The following GPM6A variants were observed in gnomAD, a reference collection of about 807,000 sequenced individuals.
GPM6A encodes the protein neuronal membrane glycoprotein M6-a.
A neutral mutation model predicts 32.1 loss-of-function variants in GPM6A; 7 were observed. The ratio of observed to expected loss-of-function variants is 0.22; its 90% CI spans 0.12 to 0.41. The LOEUF is 0.41. Among genes scored for constraint, GPM6A ranks in the 10% least tolerant of loss-of-function variants. GPM6A has a pLI of 1.00. For missense variants in GPM6A, 235 were observed against 347.2 expected, an observed-to-expected ratio of 0.68 and a Z score of 2.57; for synonymous variants, 130 against 123.4, an observed-to-expected ratio of 1.05 and a Z score of -0.35.
chr4:175,771,529 GC>G, intron 1 of GPM6A, among the ~76,000 whole-genome samples: 1 of 145,734 alleles, frequency 6.9e-6, no homozygotes, highest in Non-Finnish European at 1.5e-5. Context: ...TCCAGCCTGG[GC>G]GACAGAGTGA....
chr4:175,646,221 C>T (rs1289268130), intron 4 of GPM6A, among the ~76,000 whole-genome samples: 1 of 152,132 alleles, frequency 6.6e-6, no homozygotes, highest in Admixed American at 6.6e-5. Context: ...TTAGCCTACA[C>T]AGGAAAAATA....
chr4:175,831,592 TACTCCCACCCTTCTCC>T (rs1346756565), intron 1 of GPM6A, among the ~76,000 whole-genome samples: 2 of 152,242 alleles, frequency 1.3e-5, no homozygotes, highest in East Asian at 3.9e-4. Context: ...ATTGACAGGC[TACTCCCACCCTTCTCC>T]ACCTCCTAGG....
chr4:175,750,425 C>A (rs1372220718), intron 1 of GPM6A, among the ~76,000 whole-genome samples: 1 of 152,002 alleles, frequency 6.6e-6, no homozygotes. Flanking sequence ...TGTCTAGGGG[C>A]CCAGACTTTA....
At chr4:175,980,038 T>C (rs759814253) in intron 1 of GPM6A, among the ~76,000 whole-genome samples, 1 of 152,186 alleles carries the variant, frequency 6.6e-6, no homozygotes, top group Non-Finnish European at 1.5e-5. Context: ...TGTGAGATAG[T>C]TTACATATCT....
At chr4:175,853,486 T>C (rs1292886005) in intron 1 of GPM6A, among the ~76,000 whole-genome samples, 1 of 145,302 alleles carries the variant, frequency 6.9e-6, no homozygotes, top group East Asian at 2.1e-4. Flanking sequence ...AGACAATAAT[T>C]GGGAATTCAA....
chr4:175,684,726 C>G (rs1743877404), intron 2 of GPM6A, among the ~76,000 whole-genome samples: 1 of 152,058 alleles, frequency 6.6e-6, no homozygotes, highest in South Asian at 2.1e-4. Flanking sequence ...CATTCTGTTC[C>G]ATAAATCTGT....
intron 1 of GPM6A, among the ~76,000 whole-genome samples, chr4:175,767,593 T>C (rs971436403): frequency 6.6e-6 from 1 of 152,240 alleles, no homozygotes; most frequent in Admixed American, 6.5e-5. Flanking sequence ...TAGGAGACTT[T>C]TAATAAAAGT....
chr4:175,755,385 T>C (rs1732488714), intron 1 of GPM6A, among the ~76,000 whole-genome samples: 2 of 152,146 alleles, frequency 1.3e-5, no homozygotes, highest in South Asian at 4.1e-4. Context: ...TCAAATGCAG[T>C]CAGAAAGACT....
intron 6 of GPM6A, among the ~76,000 whole-genome samples, chr4:175,635,410 T>C (rs570426228): frequency 7.9e-5 from 12 of 152,200 alleles, no homozygotes; most frequent in African/African-American, 2.9e-4. Flanking sequence ...TGTTTTATAA[T>C]CCATAATCAG....
intron 2 of GPM6A, among the ~76,000 whole-genome samples, chr4:175,687,621 T>C (rs1488787584): frequency 1.3e-5 from 2 of 152,168 alleles, no homozygotes; most frequent in Non-Finnish European, 2.9e-5. Context: ...CTGTGAATTA[T>C]GCTGCAGTAA....
At chr4:175,751,754 T>G (rs73006357) in intron 1 of GPM6A, among the ~76,000 whole-genome samples, 13,756 of 152,056 alleles carry the variant, frequency 0.09, 755 homozygotes, top group African/African-American at 0.15. Context: ...TGTTTTTTTT[T>G]TTGTTGTTGT....
chr4:175,874,329 T>C (rs1246534988), intron 1 of GPM6A, among the ~76,000 whole-genome samples: 1 of 152,086 alleles, frequency 6.6e-6, no homozygotes, highest in Non-Finnish European at 1.5e-5. Flanking sequence ...ATTTTAAAAA[T>C]TGAATGTAAT....
chr4:175,714,955 T>G (rs1392502023), intron 1 of GPM6A, among the ~76,000 whole-genome samples: 3 of 145,404 alleles, frequency 2.1e-5, no homozygotes, highest in African/African-American at 7.7e-5. Flanking sequence ...AACAGTCAGG[T>G]GGAGACACGT....
rs57270659 is a variant in GPM6A at position 175,990,643 on chromosome 4, GT to G, written c.-23+11665del. Among the ~76,000 whole-genome samples, 1,307 of 141,894 alleles carry G rather than the reference GT, an allele frequency of 9.2e-3. 5 individuals carry two copies. The highest frequency in any genetic ancestry group is 0.018 in the South Asian group (82 of 4,466). 93.1% of individuals were successfully genotyped at this position (141,894 alleles called of 152,430 possible). ...AAAGGCTGCTTTTGGGGGTGAAGTA[GT>G]TTTTTTTTTTTTTTAACCAGGGAAT... On this transcript the variant is annotated intron_variant, in intron 1 of 7. Transcript: ENST00000280187.
intron 4 of GPM6A, among the ~76,000 whole-genome samples, chr4:175,647,493 A>C (rs1306484357): frequency 1.3e-5 from 2 of 152,202 alleles, no homozygotes; most frequent in African/African-American, 4.8e-5. Context: ...CAACTATATC[A>C]AGTAATGTCT....
chr4:175,661,911 G>A (rs1203058488), intron 3 of GPM6A, among the ~76,000 whole-genome samples: 1 of 137,898 alleles, frequency 7.3e-6, no homozygotes, highest in Non-Finnish European at 1.5e-5. Flanking sequence ...GATTATCATT[G>A]AGTCAGAACT....
intron 2 of GPM6A, among the ~76,000 whole-genome samples, chr4:175,682,780 A>G (rs1743759104): frequency 6.6e-6 from 1 of 152,238 alleles, no homozygotes; most frequent in Non-Finnish European, 1.5e-5. Context: ...AGAATGCAAG[A>G]GTGAAGAACA....
chr4:175,754,522 A>G (rs1245764884), intron 1 of GPM6A, among the ~76,000 whole-genome samples: 1 of 152,190 alleles, frequency 6.6e-6, no homozygotes, highest in East Asian at 1.9e-4. Context: ...ATTGTGTTCA[A>G]TTGCAAAGCT....
At chr4:175,791,592 T>A (rs758169059) in intron 1 of GPM6A, among the ~76,000 whole-genome samples, 1 of 152,232 alleles carries the variant, frequency 6.6e-6, no homozygotes, top group Non-Finnish European at 1.5e-5. Flanking sequence ...AGAAATTGAC[T>A]GCAGTCATCA....
Sources: allele counts gnomAD v4.1 joint callset (sites outside exome capture counted in the v4.1 genomes callset), GRCh38; gene constraint gnomAD v4.1.1; transcripts MANE v1.5; gene names NCBI Gene and HGNC (gene_info 2026-07-23, HGNC 2026-07-21).